The following ZMYM2 variants were observed in gnomAD, a reference collection of about 807,000 sequenced individuals.
The protein encoded by ZMYM2 is zinc finger MYM-type protein 2.
Under a neutral mutation model 162.8 loss-of-function variants are expected in ZMYM2, and 56 were observed. That is an observed-to-expected ratio of 0.34 (90% CI 0.28 to 0.43). The LOEUF (loss-of-function observed/expected upper bound fraction) is 0.43, where lower values mean the gene tolerates loss of function less well. Ranked by LOEUF, ZMYM2 falls within the 20% of genes least tolerant of loss-of-function variation. The pLI, the probability that ZMYM2 is intolerant of heterozygous loss-of-function variation, is 1.00. For synonymous variants in ZMYM2, 510 were observed against 541.6 expected (o/e 0.94, Z 0.81); for missense variants, 1,275 against 1,621.8 (o/e 0.79, Z 3.67).
At chr13:19,990,137 CT>C (rs1275527599) in intron 2 of ZMYM2, among the ~76,000 whole-genome samples, 1 of 152,196 alleles carries the variant, frequency 6.6e-6, no homozygotes, top group East Asian at 1.9e-4. Flanking sequence ...AAAATCCAAA[CT>C]TTCACCTTTA....
At chr13:19,971,260 ATATT>A (rs1480350680) in intron 2 of ZMYM2, among the ~76,000 whole-genome samples, 69 of 103,052 alleles carry the variant, frequency 6.7e-4, no homozygotes, top group Non-Finnish European at 1.1e-3. Context: ...ATATATATAT[ATATT>A]TTTTTTTTTT....
At position 20,066,816 on chromosome 13, in the gene ZMYM2, A is replaced by T. The variant is rs757651461; in HGVS notation, c.3133-35A>T. On this transcript the variant is annotated intron_variant, in intron 19 of 24. Transcript: ENST00000610343. Reference sequence around the variant, plus strand: ...AAAGTAATGAAATAATGTAGGCTTTAAAAAAGATATTATTATGGTGTTTTT... The same window carrying T: ...AAAGTAATGAAATAATGTAGGCTTTTAAAAAGATATTATTATGGTGTTTTT... The T allele has an allele frequency of 2.5e-5, 37 of 1,496,792 alleles. No individual in the cohort carries two copies. In the African/African-American group the frequency reaches 4.0e-4, roughly 16 times the overall value. The allele number at this position is 1,496,792 out of a possible 1,614,324, so 92.7% of individuals were successfully genotyped here.
intron 12 of ZMYM2, among the ~76,000 whole-genome samples, chr13:20,043,761 G>A (rs932858095): frequency 2.0e-5 from 3 of 152,096 alleles, no homozygotes; most frequent in Non-Finnish European, 2.9e-5. Flanking sequence ...ACACACACAC[G>A]TGGGTGCTGG....
chr13:19,946,176 A>T, the ZMYM2 span, among the ~76,000 whole-genome samples: 1 of 152,120 alleles, frequency 6.6e-6, no homozygotes, highest in Non-Finnish European at 1.5e-5. Flanking sequence ...ACCCTACGAC[A>T]ATTCCCCACA....
chr13:20,007,620 GTTT>G (rs71198950), intron 6 of ZMYM2, among the ~76,000 whole-genome samples: 1 of 135,054 alleles, frequency 7.4e-6, no homozygotes, highest in Non-Finnish European at 1.6e-5. Flanking sequence ...TCCCTCTTTA[GTTT>G]TTTTTTTTTT....
intron 3 of ZMYM2, among the ~76,000 whole-genome samples, chr13:20,000,651 T>C (rs1329578933): frequency 6.6e-6 from 1 of 152,242 alleles, no homozygotes; most frequent in Non-Finnish European, 1.5e-5. Flanking sequence ...GACCTTTTGT[T>C]CAGCAGAAAT....
chr13:19,865,751 C>G, the ZMYM2 span, among the ~76,000 whole-genome samples: 1 of 152,122 alleles, frequency 6.6e-6, no homozygotes, highest in Admixed American at 6.6e-5. Flanking sequence ...GGTTCATGTC[C>G]CAATGAAAAC....
chr13:19,991,707 A>G (rs7995786), intron 2 of ZMYM2, among the ~76,000 whole-genome samples: 148,229 of 150,768 alleles, frequency 0.98, 72,915 homozygotes, highest in Middle Eastern at 1. Flanking sequence ...CATGGCTGAC[A>G]TCAGCCTCAA....
chr13:20,023,893 G>T (rs1952336710), intron 7 of ZMYM2, among the ~76,000 whole-genome samples: 1 of 151,610 alleles, frequency 6.6e-6, no homozygotes, highest in Admixed American at 6.6e-5. Flanking sequence ...AATATTCTCA[G>T]TGATTCTGTC....
Position 20,082,970 on chromosome 13 carries a change from C to T in ZMYM2, c.3758C>T (p.Thr1253Met), listed in dbSNP as rs984014970. The change falls in exon 23 of 25, where the codon ACG becomes ATG. Residue 1253 changes from threonine (T) to methionine (M), a missense_variant. By Grantham distance (81) the Thr-to-Met change is moderately conservative (BLOSUM62 -1). Transcript: ENST00000610343. ...AGGCATTGGAAAAAAAATCCTTTAA[C>T]GATGGAAAACAAAGCGTGTCTTCGA... The part of the protein sequence containing the change: ...VFRHWKKNPL[T>M]MENKACLRYQ... The T allele has an allele frequency of 2.2e-5, 36 of 1,613,818 alleles. No homozygotes were observed. The highest frequency in any genetic ancestry group is 4.5e-5 in the East Asian group (2 of 44,878).
At chr13:19,988,088 TTTAA>T (rs1949320739) in intron 2 of ZMYM2, among the ~76,000 whole-genome samples, 1 of 152,238 alleles carries the variant, frequency 6.6e-6, no homozygotes, top group South Asian at 2.1e-4. Context: ...CTTGGGCAGT[TTTAA>T]TTAATGTGTG....
Position 19,993,368 on chromosome 13 carries a change from T to C in ZMYM2, c.296T>C (p.Ile99Thr). The C allele has an allele frequency of 3.7e-6, 6 of 1,613,702 alleles. No individual in the cohort carries two copies. In the East Asian group the frequency reaches 1.1e-4, roughly 30 times the overall value. Residue 99 changes from isoleucine (I) to threonine (T), a missense_variant, in exon 3 of 25, where the codon ATT (isoleucine) becomes ACT (threonine). Around this residue, in one of 10 missense-constraint regions of ZMYM2, gnomAD observed 295 missense variants for 286.7 expected, o/e 1.03. Coordinates refer to ENST00000610343, the MANE Select transcript of ZMYM2 (RefSeq NM_197968.4). Reference protein sequence around the residue: ...NEELQGNDSKITPSSKELASQ... With the variant: ...NEELQGNDSKTTPSSKELASQ... ...GAACTACAAGGAAATGATTCCAAAA[T>C]TACTCCTTCCTCAAAAGAGTTGGCA...
the ZMYM2 span, among the ~76,000 whole-genome samples, chr13:19,923,780 C>A: frequency 6.6e-6 from 1 of 150,454 alleles, no homozygotes; most frequent in Non-Finnish European, 1.5e-5. Flanking sequence ...AAGCGATTCT[C>A]CTGCCTCAGC....
chr13:19,889,357 C>T, the ZMYM2 span, among the ~76,000 whole-genome samples: 13 of 151,844 alleles, frequency 8.6e-5, 1 homozygote, highest in African/African-American at 2.9e-4. Context: ...TCGTTCTTGT[C>T]GCCCAGGCTG....
the ZMYM2 span, among the ~76,000 whole-genome samples, chr13:19,896,608 T>C: frequency 1.3e-5 from 2 of 148,826 alleles, no homozygotes; most frequent in African/African-American, 2.5e-5. Flanking sequence ...ATAGAAAAAA[T>C]TAGCTGGGCG....
chr13:20,037,213 A>ATTTTTT (rs754909177), intron 12 of ZMYM2, among the ~76,000 whole-genome samples: 29 of 90,382 alleles, frequency 3.2e-4, no homozygotes, highest in African/African-American at 4.3e-4. Context: ...ACTAAGTAGA[A>ATTTTTT]TTTTTTTTTT....
the ZMYM2 span, among the ~76,000 whole-genome samples, chr13:19,883,806 G>C: frequency 1.3e-5 from 2 of 152,090 alleles, no homozygotes; most frequent in Admixed American, 6.6e-5. Context: ...GCCCAGGCTG[G>C]AGCGCACGGG....
chr13:19,919,673 T>C, the ZMYM2 span, among the ~76,000 whole-genome samples: 18 of 74,304 alleles, frequency 2.4e-4, 1 homozygote, highest in East Asian at 1.3e-3. Flanking sequence ...ATGTTTTTTT[T>C]CTTTTTCTTT....
intron 13 of ZMYM2, among the ~76,000 whole-genome samples, chr13:20,051,988 A>T (rs1000694358): frequency 6.6e-6 from 1 of 152,066 alleles, no homozygotes; most frequent in Non-Finnish European, 1.5e-5. Flanking sequence ...AGAAGCTGTA[A>T]TTTTTTTAAA....
Sources: gnomAD v4.1 joint callset for allele counts (sites outside exome capture counted in the v4.1 genomes callset) on GRCh38, gnomAD v4.1.1 for gene constraint, gnomAD v4.1.1 regional missense constraint, MANE v1.5 for transcripts, NCBI Gene and HGNC (gene_info 2026-07-23, HGNC 2026-07-21) for gene names.